The following NTNG1 variants were observed in gnomAD, a reference collection of about 807,000 sequenced individuals.
NTNG1 encodes netrin G1, also known as netrin-G1.
A neutral mutation model predicts 54.0 loss-of-function variants in NTNG1; 16 were observed. That is an observed-to-expected ratio of 0.30 (90% CI 0.20 to 0.45). The LOEUF (loss-of-function observed/expected upper bound fraction) is 0.45, where lower values mean the gene tolerates loss of function less well. NTNG1 is among the 20% of genes least tolerant of loss of function. The pLI, the probability that NTNG1 is intolerant of heterozygous loss-of-function variation, is 1.00. For missense variants in NTNG1, 530 were observed against 678.7 expected (o/e 0.78, Z 2.43); for synonymous variants, 255 against 263.1 (o/e 0.97, Z 0.30).
At chr1:107,360,884 A>C (rs780571613) in intron 3 of NTNG1, among the ~76,000 whole-genome samples, 1 of 152,010 alleles carries the variant, frequency 6.6e-6, no homozygotes, top group Non-Finnish European at 1.5e-5. Flanking sequence ...TACATGTTAC[A>C]TATTTCTTCC....
At chr1:107,348,171 G>T (rs955698444) in intron 3 of NTNG1, among the ~76,000 whole-genome samples, 16 of 151,870 alleles carry the variant, frequency 1.1e-4, no homozygotes, top group African/African-American at 3.9e-4. Flanking sequence ...TGTTGTCCAG[G>T]CTGGAGTGCA....
chr1:107,192,792 A>G (rs1658058442), intron 2 of NTNG1, among the ~76,000 whole-genome samples: 1 of 152,064 alleles, frequency 6.6e-6, no homozygotes, highest in South Asian at 2.1e-4. Flanking sequence ...CAGCAAAGCC[A>G]TGGGATTTGA....
At chr1:107,282,480 T>C (rs1175250201) in intron 2 of NTNG1, among the ~76,000 whole-genome samples, 1 of 152,152 alleles carries the variant, frequency 6.6e-6, no homozygotes, top group Non-Finnish European at 1.5e-5. Flanking sequence ...TACCTGCTGA[T>C]GAAAGGTAAG....
At chr1:107,407,615 T>C in intron 4 of NTNG1, 67 bp from the exon 5 acceptor site, 4 of 1,282,438 alleles carry the variant, frequency 3.1e-6, no homozygotes, top group Non-Finnish European at 4.4e-6. Context: ...ATTTTTATAT[T>C]AAGTTAAAGA....
chr1:107,442,220 G>C (rs1196076961), intron 7 of NTNG1, among the ~76,000 whole-genome samples: 1 of 152,118 alleles, frequency 6.6e-6, no homozygotes, highest in Non-Finnish European at 1.5e-5. Flanking sequence ...AGAAGGCATT[G>C]TCACATAAGG....
intron 7 of NTNG1, among the ~76,000 whole-genome samples, chr1:107,480,216 C>T (rs532690226): frequency 6.6e-6 from 1 of 152,166 alleles, no homozygotes; most frequent in African/African-American, 2.4e-5. Flanking sequence ...AAATACCATT[C>T]ATCTGGCTTC....
At chr1:107,359,127 A>T (rs1377438608) in intron 3 of NTNG1, among the ~76,000 whole-genome samples, 1 of 152,212 alleles carries the variant, frequency 6.6e-6, no homozygotes, top group Non-Finnish European at 1.5e-5. Flanking sequence ...TTGGACACAC[A>T]AACTGAGCTG....
intron 2 of NTNG1, among the ~76,000 whole-genome samples, chr1:107,254,078 T>A (rs11185076): frequency 0.12 from 18,563 of 152,212 alleles, 1,543 homozygotes; most frequent in East Asian, 0.4. Context: ...GGAAAATATC[T>A]TTTAGGATTC....
Position 107,395,625 on chromosome 1 carries a change from T to C in NTNG1, c.1060+299T>C, listed in dbSNP as rs969922472. On this transcript the variant is annotated intron_variant, in intron 4 of 7. Coordinates refer to ENST00000370068, the MANE Select transcript of NTNG1 (RefSeq NM_001113226.3). ...AGGTGATTTTTTTCCTCCCCCAAAT[T>C]AATTTCCTATTAAAATATCAAAGGC... 9.5e-6 allele frequency: 5 copies of C among 525,142 alleles called. No individual in the cohort carries two copies. The Admixed American group carries it at 1.3e-4, about 14-fold the overall frequency. The allele number at this position is 525,142 out of a possible 1,614,324, so 32.5% of individuals were successfully genotyped here.
chr1:107,301,626 A>G (rs573169821), intron 2 of NTNG1, among the ~76,000 whole-genome samples: 2 of 152,182 alleles, frequency 1.3e-5, no homozygotes, highest in African/African-American at 4.8e-5. Flanking sequence ...AGATAACAAA[A>G]GTAGAAATAG....
intron 3 of NTNG1, among the ~76,000 whole-genome samples, chr1:107,379,422 A>T (rs1422751154): frequency 6.6e-6 from 1 of 152,206 alleles, no homozygotes; most frequent in Non-Finnish European, 1.5e-5. Flanking sequence ...TGATTCAAGC[A>T]CCTGAAAGTT....
intron 5 of NTNG1, among the ~76,000 whole-genome samples, chr1:107,423,337 G>T (rs183462635): frequency 6.6e-6 from 1 of 152,140 alleles, no homozygotes; most frequent in Non-Finnish European, 1.5e-5. Context: ...ACAGTTTGGG[G>T]GTTGCTACCA....
intron 2 of NTNG1, among the ~76,000 whole-genome samples, chr1:107,245,004 AAAG>A (rs896984253): frequency 3.3e-5 from 5 of 152,164 alleles, no homozygotes; most frequent in African/African-American, 7.2e-5. Flanking sequence ...AGCAGTAAAT[AAAG>A]AAGATTTATT....
intron 7 of NTNG1, among the ~76,000 whole-genome samples, chr1:107,441,110 G>C (rs1675933531): frequency 6.6e-6 from 1 of 152,078 alleles, no homozygotes; most frequent in Non-Finnish European, 1.5e-5. Context: ...GAATAAAATT[G>C]AGCCTTCTAC....
intron 2 of NTNG1, among the ~76,000 whole-genome samples, chr1:107,198,810 C>T (rs1338454456): frequency 2.0e-5 from 3 of 151,832 alleles, no homozygotes; most frequent in Non-Finnish European, 2.9e-5. Flanking sequence ...CTTGATATCA[C>T]ACGCAGGCTT....
intron 2 of NTNG1, among the ~76,000 whole-genome samples, chr1:107,178,906 G>A (rs1656854246): frequency 6.6e-6 from 1 of 152,156 alleles, no homozygotes; most frequent in Non-Finnish European, 1.5e-5. Flanking sequence ...AGCCCCATCT[G>A]GGAATGCTCA....
intron 2 of NTNG1, among the ~76,000 whole-genome samples, chr1:107,153,751 C>T (rs1394747417): frequency 6.6e-6 from 1 of 152,100 alleles, no homozygotes; most frequent in Non-Finnish European, 1.5e-5. Context: ...AGCCTATCGT[C>T]CACTACTTCT....
intron 2 of NTNG1, among the ~76,000 whole-genome samples, chr1:107,319,479 G>C (rs891340284): frequency 6.6e-6 from 1 of 152,104 alleles, no homozygotes; most frequent in Non-Finnish European, 1.5e-5. Context: ...AAGGCCTTGC[G>C]TTGGAAACAC....
At chr1:107,200,679 T>G (rs2101281567) in intron 2 of NTNG1, among the ~76,000 whole-genome samples, 1 of 151,858 alleles carries the variant, frequency 6.6e-6, no homozygotes, top group East Asian at 1.9e-4. Flanking sequence ...GATCATATAG[T>G]TCTCTCATTT....
Sources: gnomAD v4.1 joint callset for allele counts (sites outside exome capture counted in the v4.1 genomes callset) on GRCh38, gnomAD v4.1.1 for gene constraint, MANE v1.5 for transcripts, NCBI Gene and HGNC (gene_info 2026-07-23, HGNC 2026-07-21) for gene names.